The following CTNNA3 variants were observed in gnomAD, a reference collection of about 807,000 sequenced individuals.
CTNNA3 encodes catenin alpha-3.
CTNNA3 carries 76 observed loss-of-function variants against 95.7 expected under a neutral mutation model. That is an observed-to-expected ratio of 0.79 (90% confidence interval 0.66 to 0.96). The LOEUF (loss-of-function observed/expected upper bound fraction) is 0.96, where lower values mean the gene tolerates loss of function less well. CTNNA3 is among the 40% of genes least tolerant of loss of function. The pLI, the probability that CTNNA3 is intolerant of heterozygous loss-of-function variation, is 0.00. For missense variants in CTNNA3, 1,191 were observed against 1,089.8 expected, an observed-to-expected ratio of 1.09 and a Z score of -1.31; for synonymous variants, 431 against 374.4, an observed-to-expected ratio of 1.15 and a Z score of -1.74.
intron 15 of CTNNA3, among the ~76,000 whole-genome samples, chr10:66,033,542 ATG>A (rs569093970): frequency 4.0e-5 from 6 of 151,062 alleles, no homozygotes; most frequent in East Asian, 1.9e-4. Flanking sequence ...GCTCATGTGT[ATG>A]TGTGTGTGTG....
chr10:67,239,689 A>G lies in CTNNA3; in HGVS notation c.580-19819T>C, dbSNP rs182835368. On this transcript the variant is annotated intron_variant, in intron 5 of 17. Coordinates refer to ENST00000433211, the MANE Select transcript of CTNNA3 (RefSeq NM_013266.4). Reference sequence around the variant, plus strand: ...ATAAAATCAAGGAAATGAAAAACAAAAAGTAAAGCCAATATCTACAGTGTG... The same window carrying G: ...ATAAAATCAAGGAAATGAAAAACAAGAAGTAAAGCCAATATCTACAGTGTG... Among the ~76,000 whole-genome samples, 34 of 152,294 alleles carry G rather than the reference A, an allele frequency of 2.2e-4. 1 individual carries two copies. Among genetic ancestry groups the G allele is most frequent in the African/African-American group, 8.2e-4 (34 of 41,572 alleles).
rs1011636451 is a variant in CTNNA3, at chr10:66,079,384, T to A, written c.1978-9895A>T. 5.9e-5 allele frequency: 9 copies of A among 152,018 alleles called. No individual in the cohort carries two copies. In the East Asian group the frequency reaches 1.5e-3, roughly 26 times the overall value. 9.4% of individuals were successfully genotyped at this position (152,018 alleles called of 1,614,324 possible). ...TTTAAAAAAGTTAAATCTTATTATA[T>A]GAATTTTATAATGACAAATTATATG... On this transcript the variant is annotated intron_variant, in intron 14 of 17. Transcript: ENST00000433211.
At chr10:66,053,335 T>G (rs2080002970) in intron 15 of CTNNA3, among the ~76,000 whole-genome samples, 1 of 152,104 alleles carries the variant, frequency 6.6e-6, no homozygotes, top group Non-Finnish European at 1.5e-5. Context: ...TTTTTACATT[T>G]TTAATTTTAT....
intron 9 of CTNNA3, among the ~76,000 whole-genome samples, chr10:66,764,181 G>A (rs1839744995): frequency 6.6e-6 from 1 of 152,132 alleles, no homozygotes; most frequent in Non-Finnish European, 1.5e-5. Context: ...CGAGTTAAAT[G>A]AGATCCAGTT....
intron 11 of CTNNA3, among the ~76,000 whole-genome samples, chr10:66,426,361 G>A (rs1394269887): frequency 6.6e-6 from 1 of 152,046 alleles, no homozygotes; most frequent in Non-Finnish European, 1.5e-5. Context: ...AAAGGTAGAA[G>A]TGAAGTATAT....
intron 5 of CTNNA3, among the ~76,000 whole-genome samples, chr10:67,341,834 T>C (rs1842202820): frequency 6.6e-6 from 1 of 152,118 alleles, no homozygotes; most frequent in African/African-American, 2.4e-5. Context: ...GACTCCCTTT[T>C]CTCCATATCC....
At chr10:66,451,142 G>C (rs2093461189) in intron 11 of CTNNA3, among the ~76,000 whole-genome samples, 1 of 152,118 alleles carries the variant, frequency 6.6e-6, no homozygotes, top group Non-Finnish European at 1.5e-5. Flanking sequence ...TCGTGTGATA[G>C]TCTTTAAGTA....
chr10:66,551,850 A>C (rs1842226043), intron 10 of CTNNA3, among the ~76,000 whole-genome samples: 1 of 151,512 alleles, frequency 6.6e-6, no homozygotes, highest in Non-Finnish European at 1.5e-5. Context: ...GGTGATCCTG[A>C]AAATTGTACA....
intron 15 of CTNNA3, among the ~76,000 whole-genome samples, chr10:66,051,389 C>T (rs1009030309): frequency 3.9e-5 from 6 of 152,142 alleles, no homozygotes; most frequent in Non-Finnish European, 8.8e-5. Context: ...ATTCAGTTTC[C>T]TGGACTTCGT....
At chr10:66,627,708 G>A (rs1422646401) in intron 9 of CTNNA3, among the ~76,000 whole-genome samples, 4 of 152,050 alleles carry the variant, frequency 2.6e-5, no homozygotes, top group Non-Finnish European at 5.9e-5. Context: ...CTAGTGTTAG[G>A]AACAAATGTA....
At chr10:66,830,852 G>T (rs868367788) in intron 7 of CTNNA3, among the ~76,000 whole-genome samples, 5 of 152,030 alleles carry the variant, frequency 3.3e-5, no homozygotes, top group South Asian at 4.1e-4. Context: ...CTCGTGATCC[G>T]CCTGCCTCGG....
At chr10:66,401,915 T>G (rs946456146) in intron 11 of CTNNA3, among the ~76,000 whole-genome samples, 1 of 152,044 alleles carries the variant, frequency 6.6e-6, no homozygotes, top group Non-Finnish European at 1.5e-5. Context: ...TGCCTCAGTC[T>G]CCCAAAAGTG....
At chr10:67,277,183 T>A (rs1839209875) in intron 5 of CTNNA3, among the ~76,000 whole-genome samples, 1 of 152,172 alleles carries the variant, frequency 6.6e-6, no homozygotes, top group Admixed American at 6.6e-5. Flanking sequence ...ACTCTTAAAC[T>A]CATAATCCTA....
intron 3 of CTNNA3, among the ~76,000 whole-genome samples, chr10:67,590,658 T>A (rs1842762485): frequency 6.6e-6 from 1 of 152,128 alleles, no homozygotes; most frequent in Non-Finnish European, 1.5e-5. Context: ...CATCTCTTTA[T>A]ATTCTTATTG....
chr10:66,761,352 G>T (rs1459184125), intron 9 of CTNNA3, among the ~76,000 whole-genome samples: 1 of 152,090 alleles, frequency 6.6e-6, no homozygotes, highest in African/African-American at 2.4e-5. Context: ...GGTACATAAA[G>T]ATAGATGAAT....
chr10:66,160,398 C>T (rs758810610), intron 13 of CTNNA3, among the ~76,000 whole-genome samples: 1 of 151,908 alleles, frequency 6.6e-6, no homozygotes, highest in Non-Finnish European at 1.5e-5. Flanking sequence ...TCATTCAGTT[C>T]GAATAATTTC....
At chr10:66,364,960 A>G (rs1006450964) in intron 12 of CTNNA3, among the ~76,000 whole-genome samples, 1 of 152,008 alleles carries the variant, frequency 6.6e-6, no homozygotes, top group Non-Finnish European at 1.5e-5. Context: ...TCAATAATCA[A>G]CTCTATTAAG....
chr10:67,757,492 C>T (rs1841440328), intron 1 of CTNNA3, among the ~76,000 whole-genome samples: 1 of 152,110 alleles, frequency 6.6e-6, no homozygotes, highest in Non-Finnish European at 1.5e-5. Context: ...TGGGTGGGCA[C>T]CATCTAATCA....
chr10:66,647,432 A>C (rs1220260399), intron 9 of CTNNA3, among the ~76,000 whole-genome samples: 4 of 152,198 alleles, frequency 2.6e-5, no homozygotes, highest in Non-Finnish European at 4.4e-5. Context: ...GGAAAAGAAG[A>C]CTACAAAAGT....
Sources: allele counts gnomAD v4.1 joint callset (sites outside exome capture counted in the v4.1 genomes callset), GRCh38; gene constraint gnomAD v4.1.1; transcripts MANE v1.5; gene names NCBI Gene and HGNC (gene_info 2026-07-23, HGNC 2026-07-21).